Variants in RCOR2 observed in about 807,000 individuals in gnomAD.
RCOR2 encodes the protein REST corepressor 2.
Under a neutral mutation model 58.9 loss-of-function variants are expected in RCOR2, and 19 were observed. The observed-to-expected ratio is 0.32, with a 90% confidence interval of 0.23 to 0.47. The LOEUF (loss-of-function observed/expected upper bound fraction) is 0.47, where lower values mean the gene tolerates loss of function less well. RCOR2 is among the 20% of genes least tolerant of loss of function. RCOR2 has a pLI of 1.00. For synonymous variants in RCOR2, 286 were observed against 278.7 expected, an observed-to-expected ratio of 1.03 and a Z score of -0.26; for missense variants, 590 against 707.9, an observed-to-expected ratio of 0.83 and a Z score of 1.89.
chr11:63,921,812 C>T (rs200801179), upstream of RCOR2, among the ~76,000 whole-genome samples: 45 of 152,320 alleles, frequency 3.0e-4, no homozygotes, highest in East Asian at 8.7e-3. Flanking sequence ...CGGGCCAGCC[C>T]CACCTTGAGC....
chr11:63,913,146 T>C (rs1029696046), intron 8 of RCOR2, among the ~76,000 whole-genome samples, 199 bp from the exon 9 acceptor site: 8 of 144,466 alleles, frequency 5.5e-5, no homozygotes, highest in African/African-American at 2.0e-4. Flanking sequence ...TGCAGACCAG[T>C]TTATATTTTT....
chr11:63,912,068 A>G lies in RCOR2; in HGVS notation c.1369T>C (p.Leu457=). The change falls in exon 12 of 12, where the codon TTG becomes CTG. Residue 457 remains leucine, a synonymous_variant. Transcript: ENST00000301459. The part of the protein sequence containing the change: ...SQPPPLLRPP[L]PTAPTLLRQP... ...CGGAGCAGAGTGGGAGCCGTGGGCAAAGGTGGCCTCAGCAGCGGGGGTGGC... is the reference window on the plus strand; with the variant it reads ...CGGAGCAGAGTGGGAGCCGTGGGCAGAGGTGGCCTCAGCAGCGGGGGTGGC... 6.9e-7 allele frequency: 1 copy of G among 1,453,016 alleles called. No homozygotes were observed. The highest frequency in any genetic ancestry group is 9.0e-7 in the Non-Finnish European group (1 of 1,105,176). The allele number at this position is 1,453,016 out of a possible 1,614,324, so 90.0% of individuals were successfully genotyped here.
At chr11:63,924,097 A>G in the RCOR2 span, among the ~76,000 whole-genome samples, 1 of 152,134 alleles carries the variant, frequency 6.6e-6, no homozygotes, top group Non-Finnish European at 1.5e-5. Flanking sequence ...TAGTAGAGAC[A>G]GGGTTTCTCC....
chr11:63,918,059 G>A (rs1489525718), upstream of RCOR2, among the ~76,000 whole-genome samples: 1 of 152,034 alleles, frequency 6.6e-6, no homozygotes, highest in Admixed American at 6.5e-5. Context: ...AGCTGCGCCC[G>A]TGCCCGTCCC....
intron 8 of RCOR2, among the ~76,000 whole-genome samples, chr11:63,913,184 ATTT>A (rs71039683): frequency 0.034 from 2,610 of 77,756 alleles, 55 homozygotes; most frequent in East Asian, 0.12. Flanking sequence ...ATATATATAT[ATTT>A]TTTTTTTTTT....
chr11:63,924,157 C>T, the RCOR2 span, among the ~76,000 whole-genome samples: 25 of 152,138 alleles, frequency 1.6e-4, no homozygotes, highest in African/African-American at 6.0e-4. Context: ...ATGTGCCCAC[C>T]TCAGCCTCCC....
chr11:63,914,118 C>T lies in RCOR2; in HGVS notation c.727G>A (p.Val243Ile), dbSNP rs765390187. ...NARPGPGKKE[V>I]QVSQYRHHPL... is the part of the protein sequence containing the mutation. ...TGGTGGCGGTACTGAGACACCTGGACCTCCTTTTTCCCAGGGCCTGGGCGT... is the reference window on the plus strand; with the variant it reads ...TGGTGGCGGTACTGAGACACCTGGATCTCCTTTTTCCCAGGGCCTGGGCGT... Residue 243 changes from valine to isoleucine, a missense_variant, in exon 8 of 12, where the codon GTC becomes ATC. Physicochemically the swap from Val to Ile is conservative, Grantham distance 29. Transcript: ENST00000301459. 1.2e-6 allele frequency: 2 copies of T among 1,613,882 alleles called. No homozygotes were observed. The highest frequency in any genetic ancestry group is 2.2e-5 in the South Asian group (2 of 91,076).
At position 63,912,662 on chromosome 11, in the gene RCOR2, A is replaced by G. The variant is rs1447784973; in HGVS notation, c.1027+14T>C. On this transcript the variant is annotated intron_variant, in intron 10 of 11. Coordinates refer to ENST00000301459, the MANE Select transcript of RCOR2 (RefSeq NM_173587.4). ...ATTCCTGGGGTCCTCTCTTCTCACC[A>G]CAGTTTAACCCACCTTGAACAGCCA... The G allele has an allele frequency of 1.2e-6, 2 of 1,613,594 alleles. No homozygotes were observed. The highest frequency in any genetic ancestry group is 4.5e-5 in the East Asian group (2 of 44,858).
At position 63,916,495 on chromosome 11, in the gene RCOR2, G is replaced by A. The variant is rs1941860591; in HGVS notation, c.-39C>T. ...TGCCCCGGGGGGCGCAGGAGCCTTCGGAGAGCGACAGTGGTTGCCGCACTC... is the reference window on the plus strand; with the variant it reads ...TGCCCCGGGGGGCGCAGGAGCCTTCAGAGAGCGACAGTGGTTGCCGCACTC... On this transcript the variant is annotated 5_prime_UTR_variant, in exon 1 of 12. Coordinates refer to ENST00000301459, the MANE Select transcript of RCOR2 (RefSeq NM_173587.4). 3 of 1,586,536 alleles carry A rather than the reference G, an allele frequency of 1.9e-6. No homozygotes were observed. The highest frequency in any genetic ancestry group is 2.3e-5 in the East Asian group (1 of 43,996).
intron 5 of RCOR2, 27 bp downstream of exon 5, chr11:63,914,628 C>T (rs902353773): frequency 7.5e-6 from 12 of 1,604,548 alleles, no homozygotes; most frequent in South Asian, 5.6e-5. Flanking sequence ...AGAGGAGCGC[C>T]GGGGAGTGGG....
In RCOR2 at chr11:63,912,339, G is replaced by T. The variant is rs1279986340; in HGVS notation, c.1223C>A (p.Pro408Gln). ...VPMEEARRGA[P>Q]LPAPALEEDD... ...TTCCTCTAGGGCTGGGGCTGGCAAT[G>T]GAGCCCCTCTCCTAGCCTCCTCCAT... The change falls in exon 11 of 12, where the codon CCA becomes CAA. Residue 408 changes from proline to glutamine, a missense_variant. Pro to Gln is a moderately conservative substitution (Grantham distance 76, BLOSUM62 -1). Coordinates refer to ENST00000301459, the MANE Select transcript of RCOR2 (RefSeq NM_173587.4). 1.2e-6 allele frequency: 2 copies of T among 1,613,212 alleles called. No individual in the cohort carries two copies. Among genetic ancestry groups the T allele is most frequent in the Non-Finnish European group, 1.7e-6 (2 of 1,179,672 alleles).
the RCOR2 span, among the ~76,000 whole-genome samples, chr11:63,926,221 G>A: frequency 1.3e-5 from 2 of 151,856 alleles, no homozygotes; most frequent in African/African-American, 2.4e-5. Context: ...TGAACCTCTG[G>A]ACCTTTTAGT....
In RCOR2 at chr11:63,912,291, C is replaced by T. The variant is rs757749159; in HGVS notation, c.1257+14G>A. 55 of 1,603,444 alleles carry T rather than the reference C, an allele frequency of 3.4e-5. No homozygotes were observed. The highest frequency in any genetic ancestry group is 4.2e-5 in the Non-Finnish European group (49 of 1,171,206). ...CCTCTCCTCTCTGAGGGGTTTCTCT[C>T]ACCCCCTTCTCACCTCATCATCTTC... On this transcript the variant is annotated intron_variant, in intron 11 of 11. Coordinates refer to ENST00000301459, the MANE Select transcript of RCOR2 (RefSeq NM_173587.4).
chr11:63,926,499 T>TTTTG, the RCOR2 span, among the ~76,000 whole-genome samples: 13 of 151,050 alleles, frequency 8.6e-5, no homozygotes, highest in African/African-American at 2.7e-4. Flanking sequence ...CTTTTTTTTT[T>TTTTG]TTTGTTTGTT....
upstream of RCOR2, among the ~76,000 whole-genome samples, chr11:63,920,767 C>T (rs954229951): frequency 3.3e-5 from 5 of 152,040 alleles, no homozygotes; most frequent in Non-Finnish European, 5.9e-5. Flanking sequence ...GACAGGAATT[C>T]GGTTCCTCCC....
Position 63,913,182 on chromosome 11 carries a change from ATATTT to A in RCOR2, c.892-240_892-236del, listed in dbSNP as rs1342108312. On this transcript the variant is annotated intron_variant, in intron 8 of 11. Coordinates refer to ENST00000301459, the MANE Select transcript of RCOR2 (RefSeq NM_173587.4). ...ATTTTTTATATATATATATATATAT[ATATTT>A]TTTTTTTTTTTTTTTTGAGAAGGAG... Among the ~76,000 whole-genome samples, 34 of 81,700 alleles carry A rather than the reference ATATTT, an allele frequency of 4.2e-4. 1 individual carries two copies. The highest frequency in any genetic ancestry group is 1.4e-3 in the African/African-American group (33 of 23,240). 53.6% of individuals were successfully genotyped at this position (81,700 alleles called of 152,430 possible). A position where few individuals can be genotyped will look rare whatever the true frequency, so the allele number is the denominator to read the frequency against.
upstream of RCOR2, among the ~76,000 whole-genome samples, chr11:63,917,550 C>A (rs1941878382): frequency 6.6e-6 from 1 of 152,162 alleles, no homozygotes; most frequent in Non-Finnish European, 1.5e-5. Flanking sequence ...CCTTCCATTT[C>A]CCTTCCTGCC....
chr11:63,915,201 T>A lies in RCOR2; in HGVS notation c.242A>T (p.Asn81Ile). The A allele has an allele frequency of 6.4e-7, 1 of 1,551,428 alleles. No individual in the cohort carries two copies. The highest frequency in any genetic ancestry group is 8.7e-7 in the Non-Finnish European group (1 of 1,146,996). ...ACGCTTGGCATCTGACACACAGTGG[T>A]TGGGTGACCACACCAGCATCCCCTT... Reference protein sequence around the residue: ...ELKGMLVWSPNHCVSDAKLDK... With the variant: ...ELKGMLVWSPIHCVSDAKLDK... Residue 81 changes from asparagine (N) to isoleucine (I), a missense_variant, in exon 3 of 12, where the codon AAC becomes ATC. This residue lies in a region of RCOR2 where 390 missense variants were observed against 478.7 expected (regional missense o/e 0.81). Coordinates refer to ENST00000301459, the MANE Select transcript of RCOR2 (RefSeq NM_173587.4).
Position 63,912,573 on chromosome 11 carries a change from C to T in RCOR2, c.1028-39G>A, listed in dbSNP as rs320109. On this transcript the variant is annotated intron_variant, in intron 10 of 11. Coordinates refer to ENST00000301459, the MANE Select transcript of RCOR2 (RefSeq NM_173587.4). ...AAGGGCAGCAGCGTCAATACCCCTT[C>T]GAACTAGTTACTTCCCTGACCCTTC... 23 of 1,590,924 alleles carry T rather than the reference C, an allele frequency of 1.4e-5. No individual in the cohort carries two copies. The Admixed American group carries it at 1.8e-4, about 13-fold the overall frequency.
Sources: gnomAD v4.1 joint callset for allele counts (sites outside exome capture counted in the v4.1 genomes callset) on GRCh38, gnomAD v4.1.1 for gene constraint, gnomAD v4.1.1 regional missense constraint, MANE v1.5 for transcripts, NCBI Gene and HGNC (gene_info 2026-07-23, HGNC 2026-07-21) for gene names.